GALNT10: variants seen among roughly 807,000 people sequenced by gnomAD.
The protein encoded by GALNT10 is GalNAc transferase 10.
In GALNT10, 41 loss-of-function variants were observed where a neutral mutation model predicts 75.0. That is an observed-to-expected ratio of 0.55 (90% confidence interval 0.43 to 0.71). The LOEUF (loss-of-function observed/expected upper bound fraction) is 0.71. GALNT10 is among the 30% of genes least tolerant of loss of function. GALNT10 has a pLI of 0.00. For synonymous variants in GALNT10, 302 were observed against 313.0 expected (o/e 0.96, Z 0.37); for missense variants, 727 against 818.5 (o/e 0.89, Z 1.36).
At chr5:154,411,865 A>G (rs1230295504) in intron 9 of GALNT10, among the ~76,000 whole-genome samples, 1 of 152,234 alleles carries the variant, frequency 6.6e-6, no homozygotes, top group Non-Finnish European at 1.5e-5. Flanking sequence ...TAGGAGAGCC[A>G]TGAGACCACA....
At chr5:154,203,235 T>A (rs34223367) in intron 1 of GALNT10, among the ~76,000 whole-genome samples, 3,528 of 152,234 alleles carry the variant, frequency 0.023, 61 homozygotes, top group South Asian at 0.092. Context: ...TGTGTGTGTT[T>A]CTCTGTCTCT....
chr5:154,226,254 A>AT (rs577745372), intron 1 of GALNT10, among the ~76,000 whole-genome samples: 4 of 152,348 alleles, frequency 2.6e-5, no homozygotes, highest in Admixed American at 2.6e-4. Flanking sequence ...TGACCTATAT[A>AT]TGCTATGGTT....
At chr5:154,406,181 A>G (rs895718321) in intron 8 of GALNT10, 10 of 152,172 alleles carry the variant, frequency 6.6e-5, no homozygotes, top group African/African-American at 2.2e-4. Context: ...TGTTCCTTAA[A>G]CAGTGACTGC....
intron 9 of GALNT10, among the ~76,000 whole-genome samples, chr5:154,411,902 T>G (rs971879867): frequency 1.3e-5 from 2 of 151,204 alleles, no homozygotes; most frequent in African/African-American, 4.9e-5. Flanking sequence ...TGTGAAGGGG[T>G]GAGGGAAGGA....
intron 4 of GALNT10, among the ~76,000 whole-genome samples, chr5:154,330,907 G>GA (rs1561663286): frequency 2.0e-5 from 2 of 101,842 alleles, no homozygotes; most frequent in African/African-American, 3.9e-5. Context: ...GAGACAGAGA[G>GA]GGTGTGTGTG....
chr5:154,391,112 A>T (rs549545451), intron 7 of GALNT10, among the ~76,000 whole-genome samples: 1 of 152,084 alleles, frequency 6.6e-6, no homozygotes, highest in Non-Finnish European at 1.5e-5. Flanking sequence ...GTCTCCCAGG[A>T]CCCTGTGGAA....
intron 3 of GALNT10, among the ~76,000 whole-genome samples, chr5:154,322,267 C>T (rs561678796): frequency 2.6e-5 from 4 of 152,184 alleles, no homozygotes; most frequent in East Asian, 1.9e-4. Context: ...TATCAGCTGC[C>T]GACTGTTCCC....
intron 1 of GALNT10, among the ~76,000 whole-genome samples, chr5:154,241,478 G>A (rs1045645231): frequency 2.0e-5 from 3 of 151,898 alleles, no homozygotes; most frequent in Non-Finnish European, 4.4e-5. Flanking sequence ...CACATTTTTA[G>A]CATGCAATTT....
chr5:154,245,396 C>T (rs1405305052), intron 1 of GALNT10, among the ~76,000 whole-genome samples: 3 of 152,176 alleles, frequency 2.0e-5, no homozygotes, highest in African/African-American at 4.8e-5. Flanking sequence ...CATGGGTGAT[C>T]TCATTTTATC....
chr5:154,232,979 C>T (rs1351725157), intron 1 of GALNT10, among the ~76,000 whole-genome samples: 3 of 152,140 alleles, frequency 2.0e-5, no homozygotes, highest in Non-Finnish European at 4.4e-5. Flanking sequence ...CAGTTAGCCC[C>T]AGGTTCACAT....
intron 1 of GALNT10, among the ~76,000 whole-genome samples, chr5:154,233,457 C>A (rs1443271236): frequency 6.6e-6 from 1 of 152,198 alleles, no homozygotes; most frequent in Non-Finnish European, 1.5e-5. Context: ...ATTGTGCTGT[C>A]TCTGCAAGGA....
chr5:154,327,268 GA>G (rs1754769341), intron 3 of GALNT10, among the ~76,000 whole-genome samples: 1 of 152,130 alleles, frequency 6.6e-6, no homozygotes, highest in Non-Finnish European at 1.5e-5. Flanking sequence ...GAAAGGCATA[GA>G]AACTATAACC....
At chr5:154,283,238 G>A (rs1031738924) in intron 1 of GALNT10, among the ~76,000 whole-genome samples, 1 of 145,296 alleles carries the variant, frequency 6.9e-6, no homozygotes, top group African/African-American at 2.5e-5. Flanking sequence ...AAGGCCAGGA[G>A]GTTGAGACCA....
At chr5:154,233,004 A>C (rs902278040) in intron 1 of GALNT10, among the ~76,000 whole-genome samples, 19 of 152,354 alleles carry the variant, frequency 1.2e-4, no homozygotes, top group Non-Finnish European at 2.1e-4. Context: ...TATGCCACTT[A>C]CAAGGTCGCT....
At chr5:154,222,447 G>GTA (rs1752996564) in intron 1 of GALNT10, among the ~76,000 whole-genome samples, 1 of 152,048 alleles carries the variant, frequency 6.6e-6, no homozygotes. Flanking sequence ...AAGTCTTTGT[G>GTA]TATATATATG....
intron 1 of GALNT10, among the ~76,000 whole-genome samples, chr5:154,227,778 T>C (rs1383941128): frequency 6.6e-6 from 1 of 152,122 alleles, no homozygotes; most frequent in East Asian, 1.9e-4. Context: ...TTCTCCTAGA[T>C]GTTTTATGAT....
intron 1 of GALNT10, among the ~76,000 whole-genome samples, chr5:154,266,860 G>A (rs574198452): frequency 2.0e-5 from 3 of 152,276 alleles, no homozygotes; most frequent in East Asian, 1.9e-4. Flanking sequence ...CAGCCTGGGC[G>A]ACAGAGCAAG....
chr5:154,415,678 T>C, intron 10 of GALNT10, 105 bp from the exon 11 acceptor site: 1 of 1,071,916 alleles, frequency 9.3e-7, no homozygotes. Context: ...TAATATATTA[T>C]TATTTGGACC....
intron 7 of GALNT10, chr5:154,388,900 A>AG (rs1554101439): frequency 2.5e-4 from 37 of 150,026 alleles, no homozygotes; most frequent in African/African-American, 8.1e-4. Flanking sequence ...AAAAAAAAAA[A>AG]AAGAAGGAAA....
Sources: gnomAD v4.1 joint callset for allele counts (sites outside exome capture counted in the v4.1 genomes callset) on GRCh38, gnomAD v4.1.1 for gene constraint, MANE v1.5 for transcripts, NCBI Gene and HGNC (gene_info 2026-07-23, HGNC 2026-07-21) for gene names.